Variants in NALCN observed in about 807,000 individuals in gnomAD.
NALCN encodes sodium leak channel, non-selective.
Under a neutral mutation model 225.3 loss-of-function variants are expected in NALCN, and 111 were observed. That is an observed-to-expected ratio of 0.49 (90% CI 0.42 to 0.58). The LOEUF (loss-of-function observed/expected upper bound fraction) is 0.58. Ranked by LOEUF, NALCN falls within the 20% of genes least tolerant of loss-of-function variation. The pLI is 0.00. For missense variants in NALCN, 1,378 were observed against 2,202.4 expected, an observed-to-expected ratio of 0.63 and a Z score of 7.49; for synonymous variants, 764 against 769.0, an observed-to-expected ratio of 0.99 and a Z score of 0.11.
intron 30 of NALCN, among the ~76,000 whole-genome samples, chr13:101,086,221 C>CTACTTTATTTGATTT (rs2033923549): frequency 6.6e-6 from 1 of 151,844 alleles, no homozygotes; most frequent in African/African-American, 2.4e-5. Context: ...TTCTTCCCCC[C>CTACTTTATTTGATTT]TACTTTATTT....
chr13:101,351,032 C>T (rs1374866398), intron 6 of NALCN, among the ~76,000 whole-genome samples: 3 of 152,040 alleles, frequency 2.0e-5, no homozygotes, highest in Admixed American at 1.3e-4. Flanking sequence ...TATACACATA[C>T]ATATATATAA....
chr13:101,114,644 G>A (rs974843279), intron 18 of NALCN, among the ~76,000 whole-genome samples: 6 of 152,188 alleles, frequency 3.9e-5, no homozygotes, highest in African/African-American at 1.4e-4. Flanking sequence ...TCCCATTCAA[G>A]TCCAAATGCA....
intron 15 of NALCN, among the ~76,000 whole-genome samples, chr13:101,158,079 G>T (rs2037993436): frequency 6.6e-6 from 1 of 151,908 alleles, no homozygotes; most frequent in Non-Finnish European, 1.5e-5. Flanking sequence ...TTCTTCTTTT[G>T]GGTGTAGCTC....
At chr13:101,103,517 A>T (rs1416143957) in intron 25 of NALCN, among the ~76,000 whole-genome samples, 178 bp from the exon 26 acceptor site, 1 of 152,046 alleles carries the variant, frequency 6.6e-6, no homozygotes, top group Non-Finnish European at 1.5e-5. Context: ...ACCTCAAAGG[A>T]AAGTCATCAT....
chr13:101,182,737 C>G (rs2039289834), intron 14 of NALCN, among the ~76,000 whole-genome samples: 1 of 152,114 alleles, frequency 6.6e-6, no homozygotes, highest in African/African-American at 2.4e-5. Context: ...TGACTGAAGT[C>G]TGACCCAAGG....
At chr13:101,393,535 G>A (rs1335421430) in intron 3 of NALCN, among the ~76,000 whole-genome samples, 1 of 152,196 alleles carries the variant, frequency 6.6e-6, no homozygotes, top group African/African-American at 2.4e-5. Flanking sequence ...GAAACTTAGT[G>A]GACTTACAGA....
intron 7 of NALCN, among the ~76,000 whole-genome samples, chr13:101,313,012 C>T (rs1433850259): frequency 1.3e-5 from 2 of 152,084 alleles, no homozygotes; most frequent in Admixed American, 6.6e-5. Context: ...GAACAGAGCC[C>T]TCAGAAATAA....
chr13:101,210,656 C>G (rs2040490317), intron 13 of NALCN, among the ~76,000 whole-genome samples: 1 of 152,110 alleles, frequency 6.6e-6, no homozygotes, highest in East Asian at 1.9e-4. Context: ...GCCCACCATT[C>G]CATTAATTCT....
chr13:101,397,682 T>C (rs1482889725), intron 2 of NALCN, among the ~76,000 whole-genome samples: 3 of 151,536 alleles, frequency 2.0e-5, no homozygotes, highest in Non-Finnish European at 4.4e-5. Flanking sequence ...AATAGATCCA[T>C]AAATATATGT....
In NALCN at chr13:101,280,366, T is replaced by C. The variant is rs771950858; in HGVS notation, c.1134+3567A>G. Among the ~76,000 whole-genome samples, 159 of 152,232 alleles carry C rather than the reference T, an allele frequency of 1.0e-3. 1 individual carries two copies. The highest frequency in any genetic ancestry group is 1.8e-3 in the Non-Finnish European group (125 of 68,040). On this transcript the variant is annotated intron_variant, in intron 10 of 43. Transcript: ENST00000251127. ...AACACATATCTCATATAGGGGTCTCTGAGATGCCACATCTATACACTTCAA... is the reference window on the plus strand; with the variant it reads ...AACACATATCTCATATAGGGGTCTCCGAGATGCCACATCTATACACTTCAA...
chr13:101,286,925 C>CT (rs1384551538), intron 9 of NALCN, among the ~76,000 whole-genome samples: 3 of 151,406 alleles, frequency 2.0e-5, no homozygotes, highest in East Asian at 1.9e-4. Flanking sequence ...AACATAGGAT[C>CT]TTTTTTTGTA....
intron 3 of NALCN, among the ~76,000 whole-genome samples, chr13:101,386,721 T>C (rs981720662): frequency 6.6e-6 from 1 of 152,158 alleles, no homozygotes; most frequent in African/African-American, 2.4e-5. Context: ...TGGTTTGTCG[T>C]GCATAATTTT....
intron 3 of NALCN, among the ~76,000 whole-genome samples, chr13:101,380,509 A>C (rs1360740544): frequency 6.6e-6 from 1 of 152,194 alleles, no homozygotes; most frequent in Non-Finnish European, 1.5e-5. Flanking sequence ...TTAAATCATG[A>C]ATTCTGTAAT....
At chr13:101,068,400 A>G (rs1418935206) in intron 38 of NALCN, among the ~76,000 whole-genome samples, 3 of 152,178 alleles carry the variant, frequency 2.0e-5, no homozygotes, top group African/African-American at 7.2e-5. Context: ...CATAAATGTG[A>G]TATTTCAAGG....
intron 37 of NALCN, among the ~76,000 whole-genome samples, chr13:101,072,554 T>TAAG (rs1483347245): frequency 6.6e-6 from 1 of 152,188 alleles, no homozygotes; most frequent in Non-Finnish European, 1.5e-5. Flanking sequence ...TATTTTTATT[T>TAAG]AAGATTCATT....
intron 18 of NALCN, among the ~76,000 whole-genome samples, chr13:101,123,021 T>A (rs2036055031): frequency 6.6e-6 from 1 of 152,224 alleles, no homozygotes; most frequent in Admixed American, 6.5e-5. Context: ...AGTGAGAGTT[T>A]CACCTTTCTT....
intron 13 of NALCN, among the ~76,000 whole-genome samples, chr13:101,206,316 G>C (rs1324281189): frequency 2.6e-5 from 4 of 151,936 alleles, no homozygotes; most frequent in African/African-American, 9.7e-5. Flanking sequence ...TATCAAAAAT[G>C]ATGTGGTCTT....
At chr13:101,327,717 T>C (rs759939239) in intron 7 of NALCN, among the ~76,000 whole-genome samples, 13 of 152,092 alleles carry the variant, frequency 8.5e-5, no homozygotes, top group Non-Finnish European at 1.5e-4. Context: ...TTGTGAGAAA[T>C]GGATTCTCAC....
At position 101,395,281 on chromosome 13, in the gene NALCN, G is replaced by A; in HGVS notation, c.193C>T (p.Pro65Ser). 3 of 1,614,070 alleles carry A rather than the reference G, an allele frequency of 1.9e-6. No homozygotes were observed. Among genetic ancestry groups the A allele is most frequent in the Non-Finnish European group, 2.5e-6 (3 of 1,179,958 alleles). ...MNTPMTFEHY[P>S]PLQYVTFTLD... is the part of the protein sequence containing the mutation. Reference sequence around the variant, plus strand: ...GTGAAGGTCACATACTGAAGTGGAGGATAGTGCTCGAAGGTCATTGGCGTA... The same window carrying A: ...GTGAAGGTCACATACTGAAGTGGAGAATAGTGCTCGAAGGTCATTGGCGTA... The change falls in exon 3 of 44, where the codon CCT becomes TCT. Residue 65 changes from proline (P) to serine (S), a missense_variant. Physicochemically the swap from Pro to Ser is moderately conservative, Grantham distance 74. Coordinates refer to ENST00000251127, the MANE Select transcript of NALCN (RefSeq NM_052867.4).
Sources: allele counts gnomAD v4.1 joint callset (sites outside exome capture counted in the v4.1 genomes callset), GRCh38; gene constraint gnomAD v4.1.1; transcripts MANE v1.5; gene names NCBI Gene and HGNC (gene_info 2026-07-23, HGNC 2026-07-21).